AATK: variants seen among roughly 807,000 people sequenced by gnomAD.
AATK encodes lemur tail kinase 1, also known as serine/threonine-protein kinase LMTK1.
Under a neutral mutation model 114.3 loss-of-function variants are expected in AATK, and 91 were observed. The ratio of observed to expected loss-of-function variants is 0.80; its 90% confidence interval spans 0.67 to 0.95. The LOEUF (loss-of-function observed/expected upper bound fraction) is 0.95. Among genes scored for constraint, AATK ranks in the 40% least tolerant of loss-of-function variants. The pLI, the probability that AATK is intolerant of heterozygous loss-of-function variation, is 0.00. For synonymous variants in AATK, 1,075 were observed against 916.5 expected (o/e 1.17, Z -3.12); for missense variants, 2,176 against 1,965.2 (o/e 1.11, Z -2.03).
At chr17:81,152,588 A>G (rs2061312314) in intron 1 of AATK, among the ~76,000 whole-genome samples, 1 of 152,152 alleles carries the variant, frequency 6.6e-6, no homozygotes, top group Admixed American at 6.5e-5. Flanking sequence ...TGTCTCAAGA[A>G]AACAACAAAC....
At chr17:81,156,677 G>A (rs891770535) in intron 1 of AATK, among the ~76,000 whole-genome samples, 1 of 152,256 alleles carries the variant, frequency 6.6e-6, no homozygotes, top group Non-Finnish European at 1.5e-5. Context: ...GATTACAGGT[G>A]TGAGCCACCG....
intron 1 of AATK, among the ~76,000 whole-genome samples, chr17:81,135,469 C>T (rs2060995745): frequency 6.6e-6 from 1 of 152,162 alleles, no homozygotes; most frequent in Admixed American, 6.5e-5. Flanking sequence ...TGGAGATTTT[C>T]CGGCCACCCC....
At chr17:81,119,274 A>AGCGGG in intron 13 of AATK, 106 bp downstream of exon 13, 2 of 1,125,314 alleles carry the variant, frequency 1.8e-6, no homozygotes, top group Non-Finnish European at 2.3e-6. Flanking sequence ...AGCGGAGCGG[A>AGCGGG]GCCGGGGCTG....
Position 81,128,538 on chromosome 17 carries a change from TGAG to T in AATK, c.343_345del (p.Leu115del). The T allele has an allele frequency of 6.5e-7, 1 of 1,549,118 alleles. No individual in the cohort carries two copies. The highest frequency in any genetic ancestry group is 1.2e-5 in the South Asian group (1 of 83,982). ...CTGTGCCGGCCCACGTCTGTGGACT[TGAG>T]GAGCTGCACTGTAACCAAGCAGGGG... On this transcript the variant is annotated inframe_deletion, in exon 4 of 14. Transcript: ENST00000326724.
At chr17:81,147,648 C>A (rs1194400256) in intron 1 of AATK, among the ~76,000 whole-genome samples, 1 of 151,916 alleles carries the variant, frequency 6.6e-6, no homozygotes. Context: ...CCCAGCTACT[C>A]CGGAGGCTGA....
chr17:81,164,079 CCCAGCACCACCACT>C (rs56033254), intron 1 of AATK, among the ~76,000 whole-genome samples: 48,014 of 152,056 alleles, frequency 0.32, 7,897 homozygotes, highest in Non-Finnish European at 0.37. Context: ...GGGTCTCTGT[CCCAGCACCACCACT>C]CCAGCACAGA....
chr17:81,119,557 C>T lies in AATK; in HGVS notation c.3907G>A (p.Asp1303Asn), dbSNP rs2060661613. Reference protein sequence around the residue: ...EEGGGFAWDDDFPLMTAKAAF... With the variant: ...EEGGGFAWDDNFPLMTAKAAF... Reference sequence around the variant, plus strand: ...GCCTTGGCCGTCATCAGCGGGAAGTCGTCGTCCCACGCGAACCCACCACCT... The same window carrying T: ...GCCTTGGCCGTCATCAGCGGGAAGTTGTCGTCCCACGCGAACCCACCACCT... The change falls in exon 13 of 14, where the codon GAC (aspartate) becomes AAC (asparagine). Residue 1303 changes from aspartate (D) to asparagine (N), a missense_variant. Around this residue, in one of 4 missense-constraint regions of AATK, gnomAD observed 1,701 missense variants for 1,394.7 expected, o/e 1.22. Transcript: ENST00000326724. 5 of 1,577,906 alleles carry T rather than the reference C, an allele frequency of 3.2e-6. No individual in the cohort carries two copies. Among genetic ancestry groups the T allele is most frequent in the Non-Finnish European group, 4.3e-6 (5 of 1,164,552 alleles).
rs2060685224 is a variant in AATK, at chr17:81,120,386, T to C, written c.3550A>G (p.Ser1184Gly). The C allele has an allele frequency of 2.1e-5, 33 of 1,607,610 alleles. No homozygotes were observed. Among genetic ancestry groups the C allele is most frequent in the Non-Finnish European group, 2.6e-5 (31 of 1,177,602 alleles). Residue 1184 changes from serine (S) to glycine (G), a missense_variant, in exon 11 of 14, where the codon AGC (serine) becomes GGC (glycine). Physicochemically the swap from Ser to Gly is moderately conservative, Grantham distance 56. This residue lies in a region of AATK where 1,701 missense variants were observed against 1,394.7 expected (regional missense o/e 1.22). Coordinates refer to ENST00000326724, the MANE Select transcript of AATK (RefSeq NM_001080395.3). The part of the protein sequence containing the change: ...ELRCYSVQEP[S>G]EDSEEEAPAV... The stretch of plus-strand genomic sequence containing the variant: ...GGCGCCTCCTCTTCGCTGTCCTCGC[T>C]AGGCTCCTGGACGCTGTAGCAGCGG...
chr17:81,131,066 C>G lies in AATK; in HGVS notation c.329G>C (p.Arg110Pro), dbSNP rs775891431. 4.5e-6 allele frequency: 7 copies of G among 1,551,338 alleles called. No homozygotes were observed. In the African/African-American group the frequency reaches 9.6e-5, roughly 21 times the overall value. ...VSLPMAKQPG[R>P]SVQLLKSTDV... The stretch of plus-strand genomic sequence containing the variant: ...TCTCCCCACCCAGCCCTCACCTGAG[C>G]GCCCAGGCTGCTTGGCCATGGGCAA... The change falls in exon 3 of 14, where the codon CGC becomes CCC. Residue 110 changes from arginine (R) to proline (P), a missense_variant. By Grantham distance (103) the Arg-to-Pro change is moderately radical (BLOSUM62 -2). Around this residue, in one of 4 missense-constraint regions of AATK, gnomAD observed 178 missense variants for 175.4 expected, o/e 1.01. Coordinates refer to ENST00000326724, the MANE Select transcript of AATK (RefSeq NM_001080395.3).
At position 81,122,642 on chromosome 17, in the gene AATK, CCGCCGCACCGGGCCCGGGCCCCA is replaced by C; in HGVS notation, c.1271_1293del (p.Val424GlyfsTer47). On this transcript the variant is annotated frameshift_variant, in exon 11 of 14. Coordinates refer to ENST00000326724, the MANE Select transcript of AATK (RefSeq NM_001080395.3). LOFTEE classifies it high-confidence loss of function. ...TCCACCACGCCGCCCAGCATGGGCC[CCGCCGCACCGGGCCCGGGCCCCA>C]CGCCGCCCCCGCCGGGCCGCAGAGA... 1 of 1,457,062 alleles carries C rather than the reference CCGCCGCACCGGGCCCGGGCCCCA, an allele frequency of 6.9e-7. No homozygotes were observed. The highest frequency in any genetic ancestry group is 9.1e-7 in the Non-Finnish European group (1 of 1,100,280). 90.3% of individuals were successfully genotyped at this position (1,457,062 alleles called of 1,614,324 possible).
At position 81,119,933 on chromosome 17, in the gene AATK, C is replaced by T. The variant is rs1385140306; in HGVS notation, c.3883+3G>A. On this transcript the variant is annotated splice_donor_region_variant and intron_variant, in intron 12 of 13. Coordinates refer to ENST00000326724, the MANE Select transcript of AATK (RefSeq NM_001080395.3). Reference sequence around the variant, plus strand: ...TCACGGGCCCAGCCCCGCCCCTGCTCACCCTCTTCCGCTGTGGAGCCATTT... The same window carrying T: ...TCACGGGCCCAGCCCCGCCCCTGCTTACCCTCTTCCGCTGTGGAGCCATTT... 5.6e-6 allele frequency: 8 copies of T among 1,436,620 alleles called. No individual in the cohort carries two copies. The African/African-American group carries it at 7.4e-5, about 13-fold the overall frequency. 89.0% of individuals were successfully genotyped at this position (1,436,620 alleles called of 1,614,324 possible). A position where few individuals can be genotyped will look rare whatever the true frequency, so the allele number is the denominator to read the frequency against.
chr17:81,160,455 C>T (rs1263111932), intron 1 of AATK: 1 of 161,642 alleles, frequency 6.2e-6, no homozygotes, highest in East Asian at 1.9e-4. Flanking sequence ...GTCCGCTGCC[C>T]TCATTTCCTC....
rs183801526 is a variant in AATK, at chr17:81,131,317, G to A, written c.190-112C>T. ...CCGAGCTCCCAGGGCAGGGCAGGAGGGGGTGCTCGGCCCAGAGTTGGAGCC... is the reference window on the plus strand; with the variant it reads ...CCGAGCTCCCAGGGCAGGGCAGGAGAGGGTGCTCGGCCCAGAGTTGGAGCC... On this transcript the variant is annotated intron_variant, in intron 2 of 13. Transcript: ENST00000326724. 3.5e-4 allele frequency: 490 copies of A among 1,382,690 alleles called. 5 individuals carry two copies. The East Asian group carries it at 0.011, about 30-fold the overall frequency. 85.7% of individuals were successfully genotyped at this position (1,382,690 alleles called of 1,614,324 possible).
Position 81,122,122 on chromosome 17 carries a change from C to A in AATK, c.1814G>T (p.Cys605Phe). The A allele has an allele frequency of 1.3e-6, 2 of 1,547,130 alleles. No individual in the cohort carries two copies. Among genetic ancestry groups the A allele is most frequent in the Non-Finnish European group, 1.7e-6 (2 of 1,149,864 alleles). Reference protein sequence around the residue: ...PRRSLARDPLCPSRSPSPSAG... With the variant: ...PRRSLARDPLFPSRSPSPSAG... ...CGAGGGCGAGGGAGAGCGTGAGGGG[C>A]AGAGCGGGTCCCGCGCCAAGCTTCT... The change falls in exon 11 of 14, where the codon TGC (cysteine) becomes TTC (phenylalanine). Residue 605 changes from cysteine to phenylalanine, a missense_variant. Coordinates refer to ENST00000326724, the MANE Select transcript of AATK (RefSeq NM_001080395.3).
Position 81,124,837 on chromosome 17 carries a change from G to A in AATK, c.852C>T (p.Phe284=), listed in dbSNP as rs781554406. 3.0e-5 allele frequency: 48 copies of A among 1,610,196 alleles called. No individual in the cohort carries two copies. Among genetic ancestry groups the A allele is most frequent in the African/African-American group, 5.3e-5 (4 of 74,872 alleles). Residue 284 remains phenylalanine (F), a synonymous_variant, in exon 9 of 14, where the codon TTC becomes TTT. Coordinates refer to ENST00000326724, the MANE Select transcript of AATK (RefSeq NM_001080395.3). ...LAHCKYREDY[F]VTADQLWVPL... ...GCACCCACAGCTGGTCGGCAGTCAC[G>A]AAGTAGTCCTCCTGTTGGCACAGGG...
At chr17:81,153,365 A>G (rs9652895) in intron 1 of AATK, among the ~76,000 whole-genome samples, 52,030 of 152,126 alleles carry the variant, frequency 0.34, 8,993 homozygotes, top group Non-Finnish European at 0.36. Flanking sequence ...GGCTTCTAAC[A>G]GTCAATTTGA....
intron 1 of AATK, among the ~76,000 whole-genome samples, chr17:81,134,842 C>T (rs117202000): frequency 6.6e-6 from 1 of 152,234 alleles, no homozygotes; most frequent in African/African-American, 2.4e-5. Flanking sequence ...CCTCCCAGAT[C>T]CCAGTCACCC....
At chr17:81,125,832 G>C (rs1186045556) in intron 7 of AATK, 1 of 459,282 alleles carries the variant, frequency 2.2e-6, no homozygotes, top group African/African-American at 2.0e-5. Flanking sequence ...TTGGGGTTGG[G>C]GGCAGGGCAG....
chr17:81,153,479 G>C lies in AATK; in HGVS notation c.55+12459C>G, dbSNP rs138326713. Among the ~76,000 whole-genome samples, 75 of 152,314 alleles carry C rather than the reference G, an allele frequency of 4.9e-4. 1 individual carries two copies. The highest frequency in any genetic ancestry group is 1.5e-3 in the African/African-American group (61 of 41,558). On this transcript the variant is annotated intron_variant, in intron 1 of 13. Transcript: ENST00000326724. ...GTTTAAAGATGCGTCATTTGCCTGC[G>C]TGGGTGTTCCTCCCAGCTGATGACA...
Sources: gnomAD v4.1 joint callset for allele counts (sites outside exome capture counted in the v4.1 genomes callset) on GRCh38, gnomAD v4.1.1 for gene constraint, gnomAD v4.1.1 regional missense constraint, MANE v1.5 for transcripts, NCBI Gene and HGNC (gene_info 2026-07-23, HGNC 2026-07-21) for gene names.